LMNTD1: variants seen among roughly 807,000 people sequenced by gnomAD.
LMNTD1 encodes the protein lamin tail domain containing 1.
A neutral mutation model predicts 50.9 loss-of-function variants in LMNTD1; 35 were observed. That is an observed-to-expected ratio of 0.69 (90% confidence interval 0.53 to 0.91). The LOEUF is 0.91. Ranked by LOEUF, LMNTD1 falls within the 40% of genes least tolerant of loss-of-function variation. The pLI is 0.00. For synonymous variants in LMNTD1, 153 were observed against 161.9 expected (o/e 0.94, Z 0.42); for missense variants, 470 against 475.5 (o/e 0.99, Z 0.11).
At chr12:25,488,215 T>C (rs1006179541) in intron 9 of LMNTD1, among the ~76,000 whole-genome samples, 3 of 137,208 alleles carry the variant, frequency 2.2e-5, no homozygotes, top group African/African-American at 7.8e-5. Flanking sequence ...CTGGATAATA[T>C]CCTGCAGAGT....
chr12:25,530,948 G>C (rs1448280954), intron 4 of LMNTD1, among the ~76,000 whole-genome samples: 5 of 152,150 alleles, frequency 3.3e-5, no homozygotes, highest in African/African-American at 1.2e-4. Context: ...AAGCAGAAGA[G>C]AGCTGCAGCG....
chr12:25,534,064 C>G (rs754684240), intron 4 of LMNTD1, among the ~76,000 whole-genome samples: 2 of 152,088 alleles, frequency 1.3e-5, no homozygotes, highest in African/African-American at 4.8e-5. Flanking sequence ...AAACTTGAAG[C>G]CAAGGTAAGG....
intron 1 of LMNTD1, among the ~76,000 whole-genome samples, chr12:25,606,645 C>T (rs1305709457): frequency 6.6e-6 from 1 of 152,150 alleles, no homozygotes; most frequent in Non-Finnish European, 1.5e-5. Context: ...TATTGATTTG[C>T]ATATGTTGAA....
chr12:25,551,738 A>T (rs1279414171), intron 2 of LMNTD1, among the ~76,000 whole-genome samples: 1 of 152,208 alleles, frequency 6.6e-6, no homozygotes, highest in Non-Finnish European at 1.5e-5. Context: ...AAGAGCTGAG[A>T]CATTTCAGGA....
At position 25,511,271 on chromosome 12, in the gene LMNTD1, A is replaced by G. The variant is rs550539329; in HGVS notation, c.1190-7471T>C. On this transcript the variant is annotated intron_variant, in intron 8 of 9. Transcript: ENST00000458174. ...TGAGGGCAATGGGGAGAAAATGAAG[A>G]TTTTTAAGTAAGAGAAGAAATGTTT... is the stretch of plus-strand genomic sequence containing the variant. Among the ~76,000 whole-genome samples the G allele has an allele frequency of 4.7e-4, 71 of 152,288 alleles. No homozygotes were observed. The South Asian group carries it at 0.014, about 31-fold the overall frequency.
chr12:25,520,154 A>G, intron 6 of LMNTD1, 79 bp from the exon 7 acceptor site: 2 of 204,508 alleles, frequency 9.8e-6, no homozygotes, highest in East Asian at 1.2e-4. Context: ...ACATATATAT[A>G]TATATATATA....
chr12:25,559,013 A>G (rs1332881278), intron 1 of LMNTD1, among the ~76,000 whole-genome samples: 1 of 150,522 alleles, frequency 6.6e-6, no homozygotes, highest in Non-Finnish European at 1.5e-5. Flanking sequence ...CTAATCCCCC[A>G]ATTTTATTTA....
chr12:25,538,270 G>A lies in LMNTD1; in HGVS notation c.491+8104C>T, dbSNP rs1378018374. Among the ~76,000 whole-genome samples, 5 of 135,480 alleles carry A rather than the reference G, an allele frequency of 3.7e-5. 1 individual carries two copies. The highest frequency in any genetic ancestry group is 1.1e-4 in the African/African-American group (4 of 37,072). 88.9% of individuals were successfully genotyped at this position (135,480 alleles called of 152,430 possible). ...ACGAGCAACTCCAAGACACATAATCGTCAGATTCACCAAAGTTGAAATGAA... is the reference window on the plus strand; with the variant it reads ...ACGAGCAACTCCAAGACACATAATCATCAGATTCACCAAAGTTGAAATGAA... On this transcript the variant is annotated intron_variant, in intron 4 of 9. Coordinates refer to ENST00000458174, the MANE Select transcript of LMNTD1 (RefSeq NM_001145728.2).
rs556637304 is a variant in LMNTD1 at position 25,607,006 on chromosome 12, C to T, written c.58+41488G>A. Among the ~76,000 whole-genome samples the T allele has an allele frequency of 4.6e-5, 7 of 152,234 alleles. No individual in the cohort carries two copies. In the East Asian group the frequency reaches 7.7e-4, roughly 17 times the overall value. On this transcript the variant is annotated intron_variant, in intron 1 of 7. Coordinates refer to the LMNTD1 transcript ENST00000445693. ...AGGCTATTAATTATTGCCTCAATTT[C>T]GGAGCCTGTTATTGGTCTATTCAGA...
At chr12:25,510,648 C>G (rs1451532648) in intron 8 of LMNTD1, among the ~76,000 whole-genome samples, 1 of 152,026 alleles carries the variant, frequency 6.6e-6, no homozygotes, top group African/African-American at 2.4e-5. Context: ...TTATCCTTTG[C>G]TTCCTTACTG....
At chr12:25,576,998 C>G (rs1354763980) in intron 1 of LMNTD1, among the ~76,000 whole-genome samples, 2 of 152,050 alleles carry the variant, frequency 1.3e-5, no homozygotes, top group South Asian at 2.1e-4. Flanking sequence ...GATCAGATGG[C>G]TGTAGATGTG....
chr12:25,582,746 G>T (rs1273242212), intron 1 of LMNTD1, among the ~76,000 whole-genome samples: 1 of 152,176 alleles, frequency 6.6e-6, no homozygotes, highest in Admixed American at 6.5e-5. Context: ...GCTAATTATA[G>T]AATTTTAGAG....
intron 1 of LMNTD1, among the ~76,000 whole-genome samples, chr12:25,644,417 T>G (rs1947021072): frequency 6.6e-6 from 1 of 151,154 alleles, no homozygotes; most frequent in African/African-American, 2.4e-5. Context: ...CCTAGGAGGT[T>G]GAGGCTGCAG....
At chr12:25,575,680 C>T (rs554920666) in intron 1 of LMNTD1, among the ~76,000 whole-genome samples, 219 of 42,406 alleles carry the variant, frequency 5.2e-3, no homozygotes, top group African/African-American at 0.012. Flanking sequence ...AGAACCCTAG[C>T]TCTATTTTCT....
intron 1 of LMNTD1, among the ~76,000 whole-genome samples, chr12:25,620,413 TTC>T (rs1946446581): frequency 6.6e-6 from 1 of 152,014 alleles, no homozygotes; most frequent in African/African-American, 2.4e-5. Context: ...AATATATAAT[TTC>T]TATAATTTTA....
intron 1 of LMNTD1, among the ~76,000 whole-genome samples, chr12:25,618,163 G>A (rs1221284556): frequency 6.6e-6 from 1 of 152,090 alleles, no homozygotes; most frequent in East Asian, 1.9e-4. Context: ...GGTTGTATGT[G>A]TGTCAGAGAA....
At chr12:25,545,901 G>T (rs1943398648) in intron 4 of LMNTD1, among the ~76,000 whole-genome samples, 1 of 151,564 alleles carries the variant, frequency 6.6e-6, no homozygotes, top group Non-Finnish European at 1.5e-5. Flanking sequence ...TAATATAAAT[G>T]AATTGATCAT....
At chr12:25,542,923 G>T (rs1399076021) in intron 4 of LMNTD1, among the ~76,000 whole-genome samples, 1 of 151,582 alleles carries the variant, frequency 6.6e-6, no homozygotes, top group African/African-American at 2.4e-5. Context: ...AGATACAGAT[G>T]ACCATATGAG....
intron 1 of LMNTD1, among the ~76,000 whole-genome samples, chr12:25,627,267 C>A (rs1946609877): frequency 6.6e-6 from 1 of 152,166 alleles, no homozygotes; most frequent in Non-Finnish European, 1.5e-5. Context: ...TGAAAGGCAT[C>A]CATGGAGGGA....
Sources: gnomAD v4.1 joint callset for allele counts (sites outside exome capture counted in the v4.1 genomes callset) on GRCh38, gnomAD v4.1.1 for gene constraint, MANE v1.5 for transcripts, NCBI Gene and HGNC (gene_info 2026-07-23, HGNC 2026-07-21) for gene names.